Variants in EXTL3 observed in about 807,000 individuals in gnomAD.
EXTL3 encodes exostosin like glycosyltransferase 3.
EXTL3 carries 27 observed loss-of-function variants against 69.3 expected under a neutral mutation model. The observed-to-expected ratio is 0.39, with a 90% CI of 0.29 to 0.54. EXTL3 has a LOEUF of 0.54. Among genes scored for constraint, EXTL3 ranks in the 20% least tolerant of loss-of-function variants. The pLI is 0.69. For synonymous variants in EXTL3, 511 were observed against 499.4 expected (o/e 1.02, Z -0.31); for missense variants, 1,003 against 1,231.8 (o/e 0.81, Z 2.78).
chr8:28,689,830 G>A (rs1800583168), intron 1 of EXTL3, among the ~76,000 whole-genome samples: 1 of 152,192 alleles, frequency 6.6e-6, no homozygotes, highest in Non-Finnish European at 1.5e-5. Flanking sequence ...TAAACTTGCA[G>A]GATTGAGTCC....
intron 1 of EXTL3, among the ~76,000 whole-genome samples, chr8:28,669,417 A>G (rs971350630): frequency 6.6e-6 from 1 of 152,234 alleles, no homozygotes; most frequent in African/African-American, 2.4e-5. Flanking sequence ...TGCCTATCAA[A>G]TGCTTCTCTT....
intron 1 of EXTL3, among the ~76,000 whole-genome samples, chr8:28,646,241 A>G (rs905513661): frequency 1.3e-5 from 2 of 152,222 alleles, no homozygotes; most frequent in African/African-American, 4.8e-5. Flanking sequence ...TTTCCTCAGA[A>G]GTAATCAATT....
chr8:28,698,957 C>T (rs1032987551), upstream of EXTL3, among the ~76,000 whole-genome samples: 7 of 152,168 alleles, frequency 4.6e-5, no homozygotes, highest in Non-Finnish European at 8.8e-5. Flanking sequence ...CATGCCACTG[C>T]ACTCCAGCCT....
intron 1 of EXTL3, among the ~76,000 whole-genome samples, chr8:28,668,284 AAAAGAAAAGAC>A: frequency 7.0e-6 from 1 of 143,352 alleles, no homozygotes. Context: ...AAGAAAAGAA[AAAAGAAAAGAC>A]AAAGAATACT....
chr8:28,710,829 G>A (rs542494572), intron 1 of EXTL3, among the ~76,000 whole-genome samples: 23 of 151,912 alleles, frequency 1.5e-4, no homozygotes, highest in African/African-American at 5.1e-4. Flanking sequence ...GAGCCGCAGC[G>A]CCTGGCTTGT....
chr8:28,624,709 G>A (rs565554742), intron 1 of EXTL3, among the ~76,000 whole-genome samples: 6 of 152,258 alleles, frequency 3.9e-5, no homozygotes, highest in African/African-American at 1.2e-4. Context: ...CCAAAATCTA[G>A]TTATTAATAG....
At chr8:28,747,077 A>G (rs1801903988) in intron 6 of EXTL3, among the ~76,000 whole-genome samples, 1 of 152,196 alleles carries the variant, frequency 6.6e-6, no homozygotes, top group Non-Finnish European at 1.5e-5. Context: ...ACATGGAATA[A>G]TGTGCAGGTT....
chr8:28,697,254 A>T (rs1340586034), upstream of EXTL3: 2 of 152,170 alleles, frequency 1.3e-5, no homozygotes, highest in Admixed American at 1.3e-4. Context: ...TTTTTTGGGA[A>T]CAAGCTCTAT....
Position 28,634,846 on chromosome 8 carries a change from C to T in EXTL3, c.-53+12036C>T, listed in dbSNP as rs962126131. On this transcript the variant is annotated intron_variant, in intron 1 of 6. Transcript: ENST00000523149. ...CTGACCTCAAGTGATCCGCTCGCTT[C>T]GGCCTCCCATAGTGCTGAGATTACA... Among the ~76,000 whole-genome samples, 3 of 152,216 alleles carry T rather than the reference C, an allele frequency of 2.0e-5. No homozygotes were observed. In the East Asian group the frequency reaches 5.8e-4, roughly 29 times the overall value.
intron 2 of EXTL3, among the ~76,000 whole-genome samples, chr8:28,617,554 G>A (rs1244629094): frequency 1.3e-5 from 2 of 152,210 alleles, no homozygotes; most frequent in African/African-American, 2.4e-5. Flanking sequence ...GCCAAGGTGG[G>A]TGGATTGCTG....
At chr8:28,649,116 C>T (rs1806879246) in intron 1 of EXTL3, among the ~76,000 whole-genome samples, 1 of 152,154 alleles carries the variant, frequency 6.6e-6, no homozygotes, top group Admixed American at 6.5e-5. Context: ...ATTGCCTAGG[C>T]TGGACTTGAA....
chr8:28,684,123 T>C (rs2856802), intron 1 of EXTL3, among the ~76,000 whole-genome samples: 37,063 of 152,088 alleles, frequency 0.24, 4,699 homozygotes, highest in Middle Eastern at 0.32. Flanking sequence ...TTTTATATGG[T>C]GGAATAGTCC....
At chr8:28,731,102 C>T (rs887286895) in intron 3 of EXTL3, 121 bp from the exon 4 acceptor site, 83 of 1,210,420 alleles carry the variant, frequency 6.9e-5, no homozygotes, top group African/African-American at 2.1e-4. Context: ...TTTACAAGCG[C>T]GGAGATCAGG....
chr8:28,726,890 T>C (rs1801425745), intron 3 of EXTL3, among the ~76,000 whole-genome samples: 1 of 133,384 alleles, frequency 7.5e-6, no homozygotes, highest in African/African-American at 2.7e-5. Flanking sequence ...TTTTTTTTTT[T>C]TTTTTTTTTT....
chr8:28,645,327 T>G (rs1806811051), intron 1 of EXTL3, among the ~76,000 whole-genome samples: 1 of 152,196 alleles, frequency 6.6e-6, no homozygotes, highest in South Asian at 2.1e-4. Flanking sequence ...TGCAAAAACA[T>G]TTAGGTCTAA....
chr8:28,658,208 G>A (rs1476541567), intron 1 of EXTL3, among the ~76,000 whole-genome samples: 1 of 152,096 alleles, frequency 6.6e-6, no homozygotes, highest in Non-Finnish European at 1.5e-5. Context: ...GTGGGTGGGG[G>A]GGGTCCCTCA....
intron 1 of EXTL3, among the ~76,000 whole-genome samples, chr8:28,650,897 T>C (rs1806909446): frequency 6.6e-6 from 1 of 152,198 alleles, no homozygotes; most frequent in South Asian, 2.1e-4. Flanking sequence ...CTTCTTGTTA[T>C]TTTCAGTTCT....
intron 1 of EXTL3, among the ~76,000 whole-genome samples, chr8:28,656,078 A>G (rs1585234247): frequency 6.6e-6 from 1 of 152,242 alleles, no homozygotes; most frequent in African/African-American, 2.4e-5. Context: ...CAGGGAAGCA[A>G]CTGCCATTAA....
At chr8:28,614,182 A>AT (rs1382177557) in intron 2 of EXTL3, among the ~76,000 whole-genome samples, 3 of 134,748 alleles carry the variant, frequency 2.2e-5, no homozygotes, top group Non-Finnish European at 3.3e-5. Context: ...AGTTTTGTTG[A>AT]TTTTTTCTAT....
Sources: allele counts gnomAD v4.1 joint callset (sites outside exome capture counted in the v4.1 genomes callset), GRCh38; gene constraint gnomAD v4.1.1; transcripts MANE v1.5; gene names NCBI Gene and HGNC (gene_info 2026-07-23, HGNC 2026-07-21).